Variants in CEP128 observed in about 807,000 individuals in gnomAD.
CEP128 encodes the protein centrosomal protein 128kDa.
A neutral mutation model predicts 156.7 loss-of-function variants in CEP128; 132 were observed. That is an observed-to-expected ratio of 0.84 (90% CI 0.73 to 0.97). CEP128 has a LOEUF of 0.97. CEP128 is among the 50% of genes least tolerant of loss of function. The pLI is 0.00. For missense variants in CEP128, 1,252 were observed against 1,281.9 expected (o/e 0.98, Z 0.36); for synonymous variants, 469 against 448.9 (o/e 1.04, Z -0.57).
intron 19 of CEP128, among the ~76,000 whole-genome samples, chr14:80,732,201 G>C (rs568237320): frequency 6.6e-6 from 1 of 152,082 alleles, no homozygotes; most frequent in Non-Finnish European, 1.5e-5. Flanking sequence ...ATAACCAGAG[G>C]AAACAGCAAT....
intron 19 of CEP128, among the ~76,000 whole-genome samples, chr14:80,662,540 C>T (rs1405043121): frequency 3.3e-5 from 5 of 152,040 alleles, no homozygotes; most frequent in Admixed American, 1.3e-4. Flanking sequence ...ATGTATCCAG[C>T]CTTTAATTTG....
intron 19 of CEP128, among the ~76,000 whole-genome samples, chr14:80,664,317 G>A (rs983924984): frequency 1.3e-5 from 2 of 152,102 alleles, no homozygotes; most frequent in Admixed American, 1.3e-4. Flanking sequence ...ACCCTTTGCA[G>A]GGCTTGAAAA....
At chr14:80,546,308 T>C (rs1418947823) in intron 21 of CEP128, among the ~76,000 whole-genome samples, 1 of 152,136 alleles carries the variant, frequency 6.6e-6, no homozygotes, top group Non-Finnish European at 1.5e-5. Flanking sequence ...GAAACAGGCT[T>C]GGAGAGGTTA....
intron 19 of CEP128, among the ~76,000 whole-genome samples, chr14:80,682,340 A>G (rs937238780): frequency 1.1e-4 from 17 of 152,220 alleles, no homozygotes; most frequent in African/African-American, 3.9e-4. Flanking sequence ...GCAGAAGAAA[A>G]AAATTCACAG....
At chr14:80,812,704 A>G (rs1439798639) in intron 13 of CEP128, among the ~76,000 whole-genome samples, 3 of 152,114 alleles carry the variant, frequency 2.0e-5, no homozygotes, top group Non-Finnish European at 2.9e-5. Context: ...AACTGGGATT[A>G]CAGGCACGTG....
chr14:80,580,533 G>C (rs906439301), intron 19 of CEP128, 110 bp from the exon 20 acceptor site: 1 of 659,904 alleles, frequency 1.5e-6, no homozygotes, highest in Admixed American at 2.3e-5. Flanking sequence ...CCTGAGAAGA[G>C]AATTTAATGT....
At chr14:80,721,529 G>A (rs1004894640) in intron 19 of CEP128, among the ~76,000 whole-genome samples, 4 of 152,056 alleles carry the variant, frequency 2.6e-5, no homozygotes, top group Non-Finnish European at 4.4e-5. Context: ...ATGTTGAAGT[G>A]ATCATATTTA....
At chr14:80,888,142 C>T (rs1253832549) in intron 8 of CEP128, among the ~76,000 whole-genome samples, 1 of 151,984 alleles carries the variant, frequency 6.6e-6, no homozygotes, top group African/African-American at 2.4e-5. Flanking sequence ...AATTAATAGC[C>T]TACCAACCAA....
intron 13 of CEP128, among the ~76,000 whole-genome samples, chr14:80,820,706 T>C (rs1885118258): frequency 6.6e-6 from 1 of 152,234 alleles, no homozygotes; most frequent in Non-Finnish European, 1.5e-5. Context: ...TTCAAATATA[T>C]TTTTAAAAAC....
chr14:80,825,941 A>G (rs937629775), intron 13 of CEP128, among the ~76,000 whole-genome samples: 1 of 151,904 alleles, frequency 6.6e-6, no homozygotes, highest in African/African-American at 2.4e-5. Context: ...CCCCGTCTCT[A>G]CTAAAAATAC....
chr14:80,481,473 A>G (rs976637368), intron 14 of CEP128, among the ~76,000 whole-genome samples: 3 of 152,190 alleles, frequency 2.0e-5, no homozygotes, highest in African/African-American at 4.8e-5. Flanking sequence ...CAGCCAAACC[A>G]TACCACAAGG....
At position 80,662,950 on chromosome 14, in the gene CEP128, A is replaced by G. The variant is rs143604785; in HGVS notation, c.2806+80125T>C. 6.4e-4 allele frequency among the ~76,000 whole-genome samples: 98 copies of G among 152,364 alleles called. 1 individual carries two copies. The highest frequency in any genetic ancestry group is 1.4e-3 in the Admixed American group (21 of 15,300). On this transcript the variant is annotated intron_variant, in intron 19 of 24. Coordinates refer to ENST00000555265, the MANE Select transcript of CEP128 (RefSeq NM_152446.5). Reference sequence around the variant, plus strand: ...ACTGAAATTTTCATTTTATTTAACAAATAGTCACTCGTGGCCAGTTGCTTG... The same window carrying G: ...ACTGAAATTTTCATTTTATTTAACAGATAGTCACTCGTGGCCAGTTGCTTG...
At chr14:80,657,112 G>A (rs948570348) in intron 19 of CEP128, among the ~76,000 whole-genome samples, 13 of 152,012 alleles carry the variant, frequency 8.6e-5, no homozygotes, top group African/African-American at 2.9e-4. Flanking sequence ...ACAAAAATTA[G>A]CCATGCATGG....
In CEP128 at chr14:80,801,930, A is replaced by C. The variant is rs1291795589; in HGVS notation, c.1210-8820T>G. Among the ~76,000 whole-genome samples, 3 of 149,490 alleles carry C rather than the reference A, an allele frequency of 2.0e-5. No homozygotes were observed. The East Asian group carries it at 5.9e-4, about 29-fold the overall frequency. The stretch of plus-strand genomic sequence containing the variant: ...CTCCCCAAAAAAAAAAAAAAAAAAA[A>C]AAAAAAAGCTCAACATCACTGATCA... On this transcript the variant is annotated intron_variant, in intron 13 of 24. Transcript: ENST00000555265.
chr14:80,899,940 G>T lies in CEP128; in HGVS notation c.570C>A (p.Ser190Arg). The change falls in exon 7 of 25, where the codon AGC becomes AGA. Residue 190 changes from serine (S) to arginine (R), a missense_variant and splice_region_variant. Physicochemically the swap from Ser to Arg is moderately radical, Grantham distance 110. Coordinates refer to ENST00000555265, the MANE Select transcript of CEP128 (RefSeq NM_152446.5). ...TAAAAACCATAGGCTGCTTTTACCG[G>T]CTCCTTCTGGAAAGCTCCCTGTTGA... ...DDFNRELSRR[S>R]RSDAETKRAL... 2 of 1,608,484 alleles carry T rather than the reference G, an allele frequency of 1.2e-6. No individual in the cohort carries two copies. The highest frequency in any genetic ancestry group is 1.7e-6 in the Non-Finnish European group (2 of 1,175,338).
chr14:80,596,163 T>G (rs941455410), intron 19 of CEP128, among the ~76,000 whole-genome samples: 2 of 151,788 alleles, frequency 1.3e-5, no homozygotes, highest in African/African-American at 4.8e-5. Flanking sequence ...AAAAATGGTT[T>G]AAATATACCA....
At chr14:80,641,001 C>T (rs534992557) in intron 19 of CEP128, among the ~76,000 whole-genome samples, 2 of 152,280 alleles carry the variant, frequency 1.3e-5, no homozygotes, top group South Asian at 4.1e-4. Flanking sequence ...TGCTTCCTAG[C>T]TACTTTGAAG....
intron 13 of CEP128, chr14:80,822,709 T>A: frequency 1.2e-6 from 1 of 849,642 alleles, no homozygotes; most frequent in Non-Finnish European, 2.0e-6. Flanking sequence ...AAGCTGATGC[T>A]GGCAAGGAGG....
intron 19 of CEP128, among the ~76,000 whole-genome samples, chr14:80,692,828 G>A (rs1462573637): frequency 6.6e-6 from 1 of 152,146 alleles, no homozygotes; most frequent in African/African-American, 2.4e-5. Context: ...TTTAGATAGA[G>A]AAAGTTTGTT....
Sources: allele counts gnomAD v4.1 joint callset (sites outside exome capture counted in the v4.1 genomes callset), GRCh38; gene constraint gnomAD v4.1.1; transcripts MANE v1.5; gene names NCBI Gene and HGNC (gene_info 2026-07-23, HGNC 2026-07-21).